The following ROBO2 variants were observed in gnomAD, a reference collection of about 807,000 sequenced individuals.
ROBO2 encodes the protein roundabout homolog 2.
ROBO2 carries 53 observed loss-of-function variants against 160.8 expected under a neutral mutation model. That is an observed-to-expected ratio of 0.33 (90% CI 0.26 to 0.41). ROBO2 has a LOEUF of 0.41. Ranked by LOEUF, ROBO2 falls within the 10% of genes least tolerant of loss-of-function variation. The probability of loss-of-function intolerance (pLI) is 1.00; values close to 1 mark genes in which losing one functional copy is unlikely to be tolerated. For synonymous variants in ROBO2, 664 were observed against 611.7 expected, an observed-to-expected ratio of 1.09 and a Z score of -1.26; for missense variants, 1,577 against 1,722.4, an observed-to-expected ratio of 0.92 and a Z score of 1.49.
intron 2 of ROBO2, among the ~76,000 whole-genome samples, chr3:77,225,431 C>T (rs2086364070): frequency 6.6e-6 from 1 of 151,824 alleles, no homozygotes; most frequent in Admixed American, 6.6e-5. Flanking sequence ...CTTTTGGATT[C>T]CATTGCTCAG....
At chr3:77,110,939 C>T (rs1476240117) in intron 2 of ROBO2, among the ~76,000 whole-genome samples, 2 of 152,140 alleles carry the variant, frequency 1.3e-5, no homozygotes, top group Non-Finnish European at 2.9e-5. Flanking sequence ...AGCTATCCAA[C>T]TGCCTTGGTC....
At chr3:76,943,818 GGT>G (rs879511961) in intron 2 of ROBO2, among the ~76,000 whole-genome samples, 1 of 152,108 alleles carries the variant, frequency 6.6e-6, no homozygotes. Flanking sequence ...AATATTGTTT[GGT>G]GATAGATATA....
chr3:76,422,982 A>G (rs1413217794), intron 2 of ROBO2, among the ~76,000 whole-genome samples: 3 of 152,150 alleles, frequency 2.0e-5, no homozygotes, highest in Non-Finnish European at 4.4e-5. Context: ...TAGGATACCT[A>G]AAGATGTAGG....
chr3:76,616,963 A>T (rs1578570423), intron 2 of ROBO2, among the ~76,000 whole-genome samples: 1 of 152,096 alleles, frequency 6.6e-6, no homozygotes, highest in South Asian at 2.1e-4. Flanking sequence ...ATAGGCATGG[A>T]TGGCCTAGGT....
At chr3:76,144,196 C>A (rs951346651) in intron 2 of ROBO2, among the ~76,000 whole-genome samples, 3 of 152,028 alleles carry the variant, frequency 2.0e-5, no homozygotes, top group Non-Finnish European at 2.9e-5. Context: ...AACACTAATA[C>A]ACTCATGCAC....
chr3:76,346,476 C>T (rs1016280330), intron 2 of ROBO2, among the ~76,000 whole-genome samples: 8 of 152,084 alleles, frequency 5.3e-5, no homozygotes, highest in African/African-American at 2.4e-5. Context: ...TTTTAAATTA[C>T]TTTCTGGTTT....
At position 76,151,213 on chromosome 3, in the gene ROBO2, G is replaced by T. The variant is rs1949345; in HGVS notation, c.109+213611G>T. Among the ~76,000 whole-genome samples, 340 of 152,170 alleles carry T rather than the reference G, an allele frequency of 2.2e-3. 1 individual carries two copies. The highest frequency in any genetic ancestry group is 6.9e-3 in the African/African-American group (287 of 41,536). On this transcript the variant is annotated intron_variant, in intron 2 of 26. Transcript: ENST00000487694. The stretch of plus-strand genomic sequence containing the variant: ...TCCATTAAGAAATCTTCATAAATGA[G>T]AGTCTCTCATCCCTAGCAGAGATTA...
chr3:77,642,232 T>C (rs1156746720), intron 24 of ROBO2, among the ~76,000 whole-genome samples: 1 of 152,100 alleles, frequency 6.6e-6, no homozygotes, highest in Non-Finnish European at 1.5e-5. Flanking sequence ...TTCCCGAGGG[T>C]GACATTCCCT....
chr3:76,578,138 T>C (rs1173452505), intron 2 of ROBO2, among the ~76,000 whole-genome samples: 1 of 152,160 alleles, frequency 6.6e-6, no homozygotes, highest in East Asian at 1.9e-4. Flanking sequence ...CCCCAATTTC[T>C]TTGTAAAAAT....
chr3:77,284,612 G>T (rs1282312485), intron 2 of ROBO2, among the ~76,000 whole-genome samples: 26 of 152,222 alleles, frequency 1.7e-4, no homozygotes, highest in Non-Finnish European at 5.9e-5. Context: ...AAAGTGGGTA[G>T]CATGGTTTTG....
At position 77,200,438 on chromosome 3, in the gene ROBO2, A is replaced by C. The variant is rs561263270; in HGVS notation, c.388+102098A>C. 4.0e-5 allele frequency among the ~76,000 whole-genome samples: 6 copies of C among 151,098 alleles called. No individual in the cohort carries two copies. In the East Asian group the frequency reaches 1.2e-3, roughly 30 times the overall value. ...CAATTTTAGAGCCACGAAGAAAAAC[A>C]CAATAAATGCAACTTTTAAAAATTT... On this transcript the variant is annotated intron_variant, in intron 2 of 25. Transcript: ENST00000461745.
intron 2 of ROBO2, among the ~76,000 whole-genome samples, chr3:76,440,990 ATATTAACAT>A (rs1482377420): frequency 6.6e-6 from 1 of 152,158 alleles, no homozygotes; most frequent in Non-Finnish European, 1.5e-5. Flanking sequence ...GAAAATATGA[ATATTAACAT>A]TTAAATTTGA....
chr3:76,738,541 G>A (rs2093751602), intron 2 of ROBO2, among the ~76,000 whole-genome samples: 1 of 152,142 alleles, frequency 6.6e-6, no homozygotes, highest in Non-Finnish European at 1.5e-5. Flanking sequence ...CTGGAGGAGG[G>A]AGAAAAAGGC....
At chr3:76,225,679 A>C (rs1038611550) in intron 2 of ROBO2, among the ~76,000 whole-genome samples, 1 of 152,166 alleles carries the variant, frequency 6.6e-6, no homozygotes, top group African/African-American at 2.4e-5. Flanking sequence ...GCACCACTGC[A>C]CTTCAACCTG....
chr3:77,146,985 C>A (rs2077172458), intron 2 of ROBO2, among the ~76,000 whole-genome samples: 1 of 151,928 alleles, frequency 6.6e-6, no homozygotes, highest in Non-Finnish European at 1.5e-5. Context: ...AAAAACAAAA[C>A]AAAACAAGAA....
chr3:77,634,537 A>G (rs539153193), intron 23 of ROBO2: 7 of 288,280 alleles, frequency 2.4e-5, no homozygotes, highest in East Asian at 7.8e-5. Flanking sequence ...ATGAATTTGC[A>G]TATATCTTTG....
chr3:76,272,857 A>T (rs1304532450), intron 2 of ROBO2, among the ~76,000 whole-genome samples: 7 of 87,280 alleles, frequency 8.0e-5, no homozygotes, highest in Admixed American at 5.9e-4. Flanking sequence ...TTATATATAA[A>T]ATATATAAAA....
rs543431662 is a variant in ROBO2, at chr3:76,992,518, C to T, written c.110-105496C>T. Among the ~76,000 whole-genome samples the T allele has an allele frequency of 1.5e-3, 231 of 151,716 alleles. 1 individual carries two copies. Among genetic ancestry groups the T allele is most frequent in the Middle Eastern group, 3.4e-3 (1 of 294 alleles). ...AAAATAGCAGTGGGTTATTGAAGAT[C>T]GCACATTCTGAGTTCTCACTCCGTA... On this transcript the variant is annotated intron_variant, in intron 2 of 26. Transcript: ENST00000487694.
At chr3:77,177,155 T>G (rs1381335032) in intron 2 of ROBO2, among the ~76,000 whole-genome samples, 1 of 152,022 alleles carries the variant, frequency 6.6e-6, no homozygotes, top group East Asian at 1.9e-4. Context: ...TAGAATTTTA[T>G]AATATAAAAA....
Sources: allele counts gnomAD v4.1 joint callset (sites outside exome capture counted in the v4.1 genomes callset), GRCh38; gene constraint gnomAD v4.1.1; transcripts MANE v1.5; gene names NCBI Gene and HGNC (gene_info 2026-07-23, HGNC 2026-07-21).